ASTN1: variants seen among roughly 807,000 people sequenced by gnomAD.
ASTN1 encodes the protein astrotactin-1.
In ASTN1, 41 loss-of-function variants were observed where a neutral mutation model predicts 140.7. The ratio of observed to expected loss-of-function variants is 0.29; its 90% CI spans 0.23 to 0.38. The LOEUF (loss-of-function observed/expected upper bound fraction) is 0.38, where lower values mean the gene tolerates loss of function less well. ASTN1 is among the 10% of genes least tolerant of loss of function. The probability of loss-of-function intolerance (pLI) is 1.00; values close to 1 mark genes in which losing one functional copy is unlikely to be tolerated. For synonymous variants in ASTN1, 640 were observed against 652.2 expected, an observed-to-expected ratio of 0.98 and a Z score of 0.29; for missense variants, 1,479 against 1,678.8, an observed-to-expected ratio of 0.88 and a Z score of 2.08.
chr1:176,976,011 A>G (rs2101871647), intron 8 of ASTN1: 1 of 152,276 alleles, frequency 6.6e-6, no homozygotes, highest in African/African-American at 2.4e-5. Flanking sequence ...ACTGGAACCC[A>G]TTTTTTAAAT....
intron 8 of ASTN1, among the ~76,000 whole-genome samples, chr1:177,006,165 C>T (rs1025739211): frequency 6.6e-6 from 1 of 152,014 alleles, no homozygotes; most frequent in African/African-American, 2.4e-5. Flanking sequence ...AAGAATAACA[C>T]CCTCAAGGAA....
At chr1:177,021,740 C>T (rs966424098) in intron 7 of ASTN1, among the ~76,000 whole-genome samples, 18 of 152,224 alleles carry the variant, frequency 1.2e-4, no homozygotes, top group African/African-American at 4.3e-4. Flanking sequence ...TAGGAGCATC[C>T]AAAGCTCCCC....
chr1:176,985,635 C>T (rs1673854914), intron 8 of ASTN1, among the ~76,000 whole-genome samples: 1 of 152,000 alleles, frequency 6.6e-6, no homozygotes, highest in Admixed American at 6.6e-5. Flanking sequence ...TCTGTGGGTG[C>T]AGATCCCTCG....
At chr1:176,946,970 G>A (rs1011170309) in intron 12 of ASTN1, among the ~76,000 whole-genome samples, 2 of 152,126 alleles carry the variant, frequency 1.3e-5, no homozygotes, top group African/African-American at 2.4e-5. Flanking sequence ...GTCTCTCATT[G>A]GGCATAAACC....
intron 14 of ASTN1, among the ~76,000 whole-genome samples, chr1:176,942,866 A>ATATATATATAT (rs1385017638): frequency 2.2e-3 from 155 of 69,766 alleles, no homozygotes; most frequent in Non-Finnish European, 3.1e-3. Flanking sequence ...ATATATATAT[A>ATATATATATAT]GATTGATGTC....
intron 2 of ASTN1, among the ~76,000 whole-genome samples, chr1:177,037,968 T>C (rs1558050215): frequency 6.6e-6 from 1 of 152,246 alleles, no homozygotes; most frequent in South Asian, 2.1e-4. Context: ...CTTAAGAGAA[T>C]AGTATGAGAT....
At chr1:177,008,247 T>G (rs1675093090) in intron 8 of ASTN1, among the ~76,000 whole-genome samples, 1 of 152,160 alleles carries the variant, frequency 6.6e-6, no homozygotes, top group African/African-American at 2.4e-5. Flanking sequence ...GCAGGGCACC[T>G]CTAGAGAGAA....
chr1:177,070,304 C>A (rs1459070538), intron 1 of ASTN1, among the ~76,000 whole-genome samples: 1 of 152,164 alleles, frequency 6.6e-6, no homozygotes, highest in Admixed American at 6.5e-5. Context: ...CATTCCAAAT[C>A]CTCTGTCTTA....
rs548014540 is a variant in ASTN1 at position 176,949,470 on chromosome 1, G to A, written c.1888-119C>T. On this transcript the variant is annotated intron_variant, in intron 11 of 22. Coordinates refer to ENST00000361833, the MANE Select transcript of ASTN1 (RefSeq NM_004319.3). ...CTCAGCCTTGAAACTATTAACATTC[G>A]CAAGTAATCCATGAATTTCCTACCA... is the stretch of plus-strand genomic sequence containing the variant. 1,335 of 1,126,240 alleles carry A rather than the reference G, an allele frequency of 1.2e-3. 11 individuals are homozygous for A. The highest frequency in any genetic ancestry group is 0.012 in the South Asian group (708 of 60,492). The allele number at this position is 1,126,240 out of a possible 1,614,324, so 69.8% of individuals were successfully genotyped here.
At chr1:176,996,261 C>CCTCT (rs146791378) in intron 8 of ASTN1, among the ~76,000 whole-genome samples, 2,089 of 140,736 alleles carry the variant, frequency 0.015, 43 homozygotes, top group African/African-American at 0.048. Context: ...AGTCATATAT[C>CCTCT]CTCTCTCTCT....
chr1:177,048,572 G>A (rs1028999015), intron 2 of ASTN1, among the ~76,000 whole-genome samples: 1 of 152,186 alleles, frequency 6.6e-6, no homozygotes, highest in Admixed American at 6.5e-5. Context: ...GTCATTTTAG[G>A]GAGGAGGATA....
In ASTN1 at chr1:177,065,905, C is replaced by T. The variant is rs12039158; in HGVS notation, c.284-4640G>A. Among the ~76,000 whole-genome samples the T allele has an allele frequency of 0.01, 1,596 of 152,254 alleles. 44 individuals are homozygous for T. In the East Asian group the frequency reaches 0.11, roughly 10 times the overall value. On this transcript the variant is annotated intron_variant, in intron 1 of 22. Transcript: ENST00000361833. ...AGATCTTACTATAACTCTAATCCTACAGTCTATGATGACTAAAACAGTGAG... is the reference window on the plus strand; with the variant it reads ...AGATCTTACTATAACTCTAATCCTATAGTCTATGATGACTAAAACAGTGAG...
intron 1 of ASTN1, among the ~76,000 whole-genome samples, chr1:177,146,340 G>C (rs1682720799): frequency 6.6e-6 from 1 of 152,144 alleles, no homozygotes; most frequent in African/African-American, 2.4e-5. Context: ...GATAATTATA[G>C]ATATTCTTTA....
At chr1:177,098,812 A>T (rs1680167880) in intron 1 of ASTN1, among the ~76,000 whole-genome samples, 1 of 152,200 alleles carries the variant, frequency 6.6e-6, no homozygotes, top group South Asian at 2.1e-4. Flanking sequence ...AATAAAGGTG[A>T]GAAAGCTCCT....
intron 8 of ASTN1, among the ~76,000 whole-genome samples, chr1:176,968,086 G>C (rs1672962482): frequency 1.3e-5 from 2 of 152,198 alleles, no homozygotes; most frequent in African/African-American, 4.8e-5. Flanking sequence ...ACCAATCACT[G>C]TGTGACTTTG....
intron 16 of ASTN1, among the ~76,000 whole-genome samples, chr1:176,904,725 C>T (rs1669913504): frequency 1.3e-5 from 2 of 152,234 alleles, no homozygotes; most frequent in African/African-American, 4.8e-5. Context: ...GCAAATGCTT[C>T]CCATCTTTCC....
At chr1:177,017,511 C>T (rs191030264) in intron 7 of ASTN1, among the ~76,000 whole-genome samples, 9 of 152,310 alleles carry the variant, frequency 5.9e-5, no homozygotes, top group East Asian at 3.9e-4. Context: ...GCACAGGCTC[C>T]GACTGTTAGC....
At chr1:176,939,947 A>T (rs536624425) in intron 14 of ASTN1, among the ~76,000 whole-genome samples, 1 of 152,064 alleles carries the variant, frequency 6.6e-6, no homozygotes, top group African/African-American at 2.4e-5. Context: ...TTGTTATTTT[A>T]TCTGAAATGT....
chr1:177,162,644 G>A (rs1395341257), intron 1 of ASTN1, among the ~76,000 whole-genome samples: 4 of 152,088 alleles, frequency 2.6e-5, no homozygotes, highest in Admixed American at 6.5e-5. Context: ...CTTTTTTTAA[G>A]CACCATGCTT....
Sources: allele counts gnomAD v4.1 joint callset (sites outside exome capture counted in the v4.1 genomes callset), GRCh38; gene constraint gnomAD v4.1.1; transcripts MANE v1.5; gene names NCBI Gene and HGNC (gene_info 2026-07-23, HGNC 2026-07-21).